PICALM: variants seen among roughly 807,000 people sequenced by gnomAD.
PICALM encodes phosphatidylinositol-binding clathrin assembly protein.
In PICALM, 40 loss-of-function variants were observed where a neutral mutation model predicts 80.5. That is an observed-to-expected ratio of 0.50 (90% CI 0.39 to 0.65). PICALM has a LOEUF of 0.65. PICALM is among the 30% of genes least tolerant of loss of function. The probability of loss-of-function intolerance (pLI) is 0.00; values close to 1 mark genes in which losing one functional copy is unlikely to be tolerated. For missense variants in PICALM, 676 were observed against 778.9 expected (o/e 0.87, Z 1.57); for synonymous variants, 288 against 260.3 (o/e 1.11, Z -1.02).
At chr11:86,005,125 AT>A (rs1168649588) in intron 8 of PICALM, among the ~76,000 whole-genome samples, 1 of 152,222 alleles carries the variant, frequency 6.6e-6, no homozygotes, top group Non-Finnish European at 1.5e-5. Flanking sequence ...GACAGTGAAG[AT>A]TAAGTAATCT....
intron 1 of PICALM, among the ~76,000 whole-genome samples, chr11:86,058,514 C>T (rs1197244182): frequency 2.0e-5 from 3 of 152,132 alleles, no homozygotes; most frequent in African/African-American, 7.2e-5. Context: ...CAGCACCATT[C>T]CCCTAATCAC....
chr11:85,984,528 T>C (rs987017007), intron 13 of PICALM, among the ~76,000 whole-genome samples: 2 of 152,118 alleles, frequency 1.3e-5, no homozygotes, highest in Non-Finnish European at 2.9e-5. Flanking sequence ...CTAATCCTTA[T>C]GTCCACCTGT....
At chr11:85,994,529 G>C (rs2094895992) in intron 12 of PICALM, among the ~76,000 whole-genome samples, 2 of 151,846 alleles carry the variant, frequency 1.3e-5, no homozygotes, top group South Asian at 2.1e-4. Context: ...TTCATTTTTA[G>C]CTAATAAAAG....
chr11:86,008,435 C>A (rs555897881), intron 7 of PICALM, among the ~76,000 whole-genome samples: 2 of 152,116 alleles, frequency 1.3e-5, no homozygotes, highest in African/African-American at 4.8e-5. Context: ...TCCTGGCTAA[C>A]ACAGTGAAAC....
At chr11:86,065,508 C>A (rs968658196) in intron 1 of PICALM, among the ~76,000 whole-genome samples, 1 of 152,120 alleles carries the variant, frequency 6.6e-6, no homozygotes, top group African/African-American at 2.4e-5. Flanking sequence ...TTCTGTACTG[C>A]TAAATGGAAT....
rs138026988 is a variant in PICALM, at chr11:86,042,229, C to T, written c.131-10618G>A. Among the ~76,000 whole-genome samples the T allele has an allele frequency of 3.1e-3, 473 of 152,170 alleles. 4 individuals are homozygous for T. The highest frequency in any genetic ancestry group is 0.01 in the South Asian group (49 of 4,808). ...TTTTCAAACCTAGATACCTTAGGCC[C>T]ATCCTAGATTCCAAATAAGGATTAC... On this transcript the variant is annotated intron_variant, in intron 1 of 19. Transcript: ENST00000393346.
At chr11:85,985,344 C>A (rs565415644) in intron 13 of PICALM, among the ~76,000 whole-genome samples, 1 of 152,108 alleles carries the variant, frequency 6.6e-6, no homozygotes, top group Non-Finnish European at 1.5e-5. Context: ...AAGAACCATA[C>A]AAGCTGATCC....
Position 86,044,791 on chromosome 11 carries a change from A to G in PICALM, c.131-13180T>C, listed in dbSNP as rs146926653. On this transcript the variant is annotated intron_variant, in intron 1 of 19. Transcript: ENST00000393346. The stretch of plus-strand genomic sequence containing the variant: ...AGATTCTCATAGGAGCGCGACCCCT[A>G]TTGTGAACTGCACATGCAAGGGATC... Among the ~76,000 whole-genome samples the G allele has an allele frequency of 3.1e-3, 474 of 152,282 alleles. 8 individuals carry two copies. Among genetic ancestry groups the G allele is most frequent in the Admixed American group, 0.027 (411 of 15,312 alleles).
chr11:85,960,709 C>T, intron 19 of PICALM: 1 of 1,318,902 alleles, frequency 7.6e-7, no homozygotes, highest in Non-Finnish European at 9.9e-7. Flanking sequence ...CCAAAGAGAG[C>T]TCTGCAAAGG....
intron 1 of PICALM, among the ~76,000 whole-genome samples, chr11:86,037,295 T>G (rs1432924363): frequency 7.3e-6 from 1 of 136,438 alleles, no homozygotes; most frequent in Non-Finnish European, 1.5e-5. Context: ...AGTCTCACTC[T>G]ATCGCCCAGG....
chr11:85,991,220 T>C (rs771607760), intron 12 of PICALM, among the ~76,000 whole-genome samples: 1 of 152,132 alleles, frequency 6.6e-6, no homozygotes, highest in Non-Finnish European at 1.5e-5. Flanking sequence ...GCTAACTAAA[T>C]GGGGAAAGAA....
At chr11:86,063,017 C>T (rs2096391836) in intron 1 of PICALM, among the ~76,000 whole-genome samples, 1 of 151,622 alleles carries the variant, frequency 6.6e-6, no homozygotes, top group Non-Finnish European at 1.5e-5. Context: ...TTTCTTACTT[C>T]TTTATTTTAA....
At chr11:85,993,955 C>T (rs373715749) in intron 12 of PICALM, among the ~76,000 whole-genome samples, 2 of 151,928 alleles carry the variant, frequency 1.3e-5, no homozygotes, top group Middle Eastern at 3.4e-3. Flanking sequence ...CTTGGGCTAA[C>T]GCAATCCTCC....
At chr11:86,008,021 G>A (rs2095314347) in intron 7 of PICALM, among the ~76,000 whole-genome samples, 2 of 151,774 alleles carry the variant, frequency 1.3e-5, no homozygotes, top group South Asian at 2.1e-4. Context: ...CATAAAACAT[G>A]CTTTCCCTGG....
intron 1 of PICALM, among the ~76,000 whole-genome samples, chr11:86,041,061 A>C (rs1321309227): frequency 6.6e-6 from 1 of 152,152 alleles, no homozygotes; most frequent in Non-Finnish European, 1.5e-5. Context: ...CTCTTAACTC[A>C]TCATACAATA....
At chr11:86,046,700 T>A (rs1428277679) in intron 1 of PICALM, among the ~76,000 whole-genome samples, 1 of 152,256 alleles carries the variant, frequency 6.6e-6, no homozygotes, top group Non-Finnish European at 1.5e-5. Context: ...AAAATCTTTA[T>A]AATGCACATA....
intron 19 of PICALM, among the ~76,000 whole-genome samples, chr11:85,973,170 T>C (rs2094164155): frequency 6.6e-6 from 1 of 152,178 alleles, no homozygotes; most frequent in African/African-American, 2.4e-5. Flanking sequence ...TGTTGGTAAA[T>C]GTATTAATTG....
intron 1 of PICALM, among the ~76,000 whole-genome samples, chr11:86,035,237 G>T (rs903168488): frequency 6.6e-6 from 1 of 151,830 alleles, no homozygotes; most frequent in African/African-American, 2.4e-5. Flanking sequence ...CTCCCACCAG[G>T]CAGAGTTCAC....
intron 7 of PICALM, among the ~76,000 whole-genome samples, chr11:86,009,865 C>T (rs1430116849): frequency 3.9e-5 from 6 of 152,262 alleles, no homozygotes; most frequent in East Asian, 1.9e-4. Flanking sequence ...CCTTAAAAAA[C>T]GGAAAGGATC....
Sources: allele counts gnomAD v4.1 joint callset (sites outside exome capture counted in the v4.1 genomes callset), GRCh38; gene constraint gnomAD v4.1.1; transcripts MANE v1.5; gene names NCBI Gene and HGNC (gene_info 2026-07-23, HGNC 2026-07-21).